Variants in PRKD3 observed in about 807,000 individuals in gnomAD.
PRKD3 encodes protein kinase D3.
In PRKD3, 47 loss-of-function variants were observed where a neutral mutation model predicts 99.2. The observed-to-expected ratio is 0.47, with a 90% CI of 0.38 to 0.60. The LOEUF (loss-of-function observed/expected upper bound fraction) is 0.60, where lower values mean the gene tolerates loss of function less well. Among genes scored for constraint, PRKD3 ranks in the 20% least tolerant of loss-of-function variants. PRKD3 has a pLI of 0.00. For missense variants in PRKD3, 1,019 were observed against 1,088.4 expected, an observed-to-expected ratio of 0.94 and a Z score of 0.90; for synonymous variants, 392 against 355.4, an observed-to-expected ratio of 1.10 and a Z score of -1.16.
chr2:37,260,775 T>A (rs950027995), intron 14 of PRKD3, among the ~76,000 whole-genome samples: 3 of 152,236 alleles, frequency 2.0e-5, no homozygotes, highest in Admixed American at 6.5e-5. Context: ...GTATTTGTGA[T>A]GGTATTTGCT....
intron 2 of PRKD3, among the ~76,000 whole-genome samples, chr2:37,305,361 G>A (rs1356089216): frequency 6.6e-6 from 1 of 152,204 alleles, no homozygotes; most frequent in Non-Finnish European, 1.5e-5. Context: ...ATCTGCTTTT[G>A]TAAGAATTAT....
intron 5 of PRKD3, among the ~76,000 whole-genome samples, chr2:37,288,766 T>C (rs1670239932): frequency 1.3e-5 from 2 of 152,260 alleles, no homozygotes; most frequent in East Asian, 1.9e-4. Context: ...CTCATCTGTA[T>C]ACAGATCTGC....
intron 2 of PRKD3, among the ~76,000 whole-genome samples, chr2:37,310,778 T>C (rs1671390284): frequency 6.6e-6 from 1 of 152,166 alleles, no homozygotes; most frequent in Admixed American, 6.5e-5. Context: ...AGATAGAACA[T>C]GGCATGTCTG....
intron 3 of PRKD3, 53 bp from the exon 4 acceptor site, chr2:37,291,052 T>C: frequency 6.9e-7 from 1 of 1,452,194 alleles, no homozygotes; most frequent in East Asian, 2.4e-5. Flanking sequence ...TGCGATGAGA[T>C]TAAGAATGCT....
chr2:37,268,504 T>A (rs938752951), intron 13 of PRKD3: 2 of 354,944 alleles, frequency 5.6e-6, no homozygotes, highest in African/African-American at 4.3e-5. Flanking sequence ...AACGCTCCAA[T>A]AAAGTTCAGT....
chr2:37,278,381 C>T (rs1377451173), intron 8 of PRKD3: 2 of 155,144 alleles, frequency 1.3e-5, no homozygotes, highest in African/African-American at 4.8e-5. Context: ...AGGCAAAATA[C>T]AACTATATAT....
chr2:37,293,273 T>C lies in PRKD3; in HGVS notation c.289-2A>G. 6.3e-7 allele frequency: 1 copy of C among 1,588,672 alleles called. No homozygotes were observed. Among genetic ancestry groups the C allele is most frequent in the African/African-American group, 1.3e-5 (1 of 74,752 alleles). On this transcript the variant is annotated splice_acceptor_variant, in intron 2 of 18. Coordinates refer to ENST00000234179, the MANE Select transcript of PRKD3 (RefSeq NM_005813.6). LOFTEE classifies it high-confidence loss of function. ...GCCAAAGAATCCACACTCTGGAAACTGAGGGATAATAGTCCTATATCAGTA... is the reference window on the plus strand; with the variant it reads ...GCCAAAGAATCCACACTCTGGAAACCGAGGGATAATAGTCCTATATCAGTA...
At chr2:37,269,223 T>C (rs917953596) in intron 13 of PRKD3, 3 of 208,000 alleles carry the variant, frequency 1.4e-5, no homozygotes, top group Non-Finnish European at 3.0e-5. Flanking sequence ...TCAGACTTAA[T>C]AGAACAATCA....
chr2:37,286,405 T>G, intron 5 of PRKD3, 36 bp from the exon 6 acceptor site: 2 of 1,561,662 alleles, frequency 1.3e-6, no homozygotes, highest in Non-Finnish European at 1.8e-6. Context: ...TGTAAGTCAA[T>G]ATTAAAAACA....
In PRKD3 at chr2:37,272,494, G is replaced by A. The variant is rs1669334774; in HGVS notation, c.1652-62C>T. 4 of 1,537,310 alleles carry A rather than the reference G, an allele frequency of 2.6e-6. No individual in the cohort carries two copies. The South Asian group carries it at 5.0e-5, about 19-fold the overall frequency. ...CAATATTATTAATCTTTACTGACATGTGAATGCTCATGGTATATCAAACTT... is the reference window on the plus strand; with the variant it reads ...CAATATTATTAATCTTTACTGACATATGAATGCTCATGGTATATCAAACTT... On this transcript the variant is annotated intron_variant, in intron 11 of 18. Coordinates refer to ENST00000234179, the MANE Select transcript of PRKD3 (RefSeq NM_005813.6).
chr2:37,277,803 A>G (rs1308286274), intron 9 of PRKD3, 63 bp downstream of exon 9: 13 of 1,528,178 alleles, frequency 8.5e-6, no homozygotes, highest in Non-Finnish European at 1.1e-5. Flanking sequence ...GATTTAAAAA[A>G]TGCACAGAAT....
chr2:37,318,919 T>C (rs1671768592), intron 1 of PRKD3, among the ~76,000 whole-genome samples: 1 of 152,128 alleles, frequency 6.6e-6, no homozygotes, highest in Non-Finnish European at 1.5e-5. Flanking sequence ...TAAAAAATAA[T>C]GAAGCAAATG....
At chr2:37,284,782 T>TA (rs1389073960) in intron 6 of PRKD3, among the ~76,000 whole-genome samples, 3 of 151,996 alleles carry the variant, frequency 2.0e-5, no homozygotes, top group Non-Finnish European at 4.4e-5. Flanking sequence ...AAAGCTTTAT[T>TA]TTATTATTAT....
chr2:37,320,747 T>C (rs1272652805), intron 1 of PRKD3, among the ~76,000 whole-genome samples: 1 of 152,174 alleles, frequency 6.6e-6, no homozygotes, highest in East Asian at 1.9e-4. Flanking sequence ...TAACTACTTC[T>C]ACTTTGATGA....
In PRKD3 at chr2:37,282,536, T is replaced by C; in HGVS notation, c.988+6A>G. ...CTTTCACAAAAATTAAGAAAAATAA[T>C]TTTACCTCCATTGAAAGTAACCTCT... On this transcript the variant is annotated splice_donor_region_variant and intron_variant, in intron 7 of 18. Coordinates refer to ENST00000234179, the MANE Select transcript of PRKD3 (RefSeq NM_005813.6). The C allele has an allele frequency of 6.5e-7, 1 of 1,544,074 alleles. No homozygotes were observed. The highest frequency in any genetic ancestry group is 8.9e-7 in the Non-Finnish European group (1 of 1,117,708).
chr2:37,317,533 C>G (rs183554863), intron 1 of PRKD3, among the ~76,000 whole-genome samples: 21 of 152,098 alleles, frequency 1.4e-4, no homozygotes, highest in Admixed American at 1.0e-3. Flanking sequence ...AACAGTAAAA[C>G]TGACATTTTC....
At chr2:37,287,101 A>G (rs1396226267) in intron 5 of PRKD3, among the ~76,000 whole-genome samples, 1 of 151,858 alleles carries the variant, frequency 6.6e-6, no homozygotes, top group African/African-American at 2.4e-5. Context: ...GTGGGGGTGC[A>G]TGCCTGTAAT....
chr2:37,259,553 T>C, intron 16 of PRKD3, 30 bp downstream of exon 16: 1 of 1,520,378 alleles, frequency 6.6e-7, no homozygotes. Flanking sequence ...GTTGCCAGAA[T>C]CATTTAAAAG....
chr2:37,256,644 T>A lies in PRKD3; in HGVS notation c.2413+18A>T, dbSNP rs1159833283. On this transcript the variant is annotated intron_variant, in intron 17 of 18. Coordinates refer to ENST00000234179, the MANE Select transcript of PRKD3 (RefSeq NM_005813.6). ...ATAGCCAAAATTTTTTTTTTTTTTT[T>A]TTTTTTTTTTTTTTTACCTTCACCA... The A allele has an allele frequency of 8.6e-6, 12 of 1,396,612 alleles. No individual in the cohort carries two copies. The highest frequency in any genetic ancestry group is 1.5e-5 in the African/African-American group (1 of 68,326). 86.5% of individuals were successfully genotyped at this position (1,396,612 alleles called of 1,614,324 possible). A position where few individuals can be genotyped will look rare whatever the true frequency, so the allele number is the denominator to read the frequency against.
Sources: allele counts gnomAD v4.1 joint callset (sites outside exome capture counted in the v4.1 genomes callset), GRCh38; gene constraint gnomAD v4.1.1; transcripts MANE v1.5; gene names NCBI Gene and HGNC (gene_info 2026-07-23, HGNC 2026-07-21).